Variants in WWC1 observed in about 807,000 individuals in gnomAD.
WWC1 encodes the protein WW and C2 domain containing 1.
A neutral mutation model predicts 138.4 loss-of-function variants in WWC1; 55 were observed. The observed-to-expected ratio is 0.40, with a 90% CI of 0.32 to 0.50. WWC1 has a LOEUF of 0.50. Ranked by LOEUF, WWC1 falls within the 20% of genes least tolerant of loss-of-function variation. The pLI, the probability that WWC1 is intolerant of heterozygous loss-of-function variation, is 0.72. For missense variants in WWC1, 1,226 were observed against 1,420.4 expected, an observed-to-expected ratio of 0.86 and a Z score of 2.20; for synonymous variants, 524 against 564.9, an observed-to-expected ratio of 0.93 and a Z score of 1.03.
chr5:168,335,747 A>G (rs1008134878), intron 1 of WWC1, among the ~76,000 whole-genome samples: 2 of 152,238 alleles, frequency 1.3e-5, no homozygotes, highest in African/African-American at 4.8e-5. Context: ...GACTATTTCC[A>G]GTCTTCTTAG....
At chr5:168,434,564 G>A (rs7723533) in intron 15 of WWC1, among the ~76,000 whole-genome samples, 47,919 of 152,000 alleles carry the variant, frequency 0.32, 8,501 homozygotes, top group East Asian at 0.59. Context: ...GGCCCAGAAA[G>A]GCTAAGTAAG....
At chr5:168,410,108 A>G in intron 8 of WWC1, 113 bp downstream of exon 8, 1 of 1,011,582 alleles carries the variant, frequency 9.9e-7, no homozygotes, top group South Asian at 1.4e-5. Flanking sequence ...ATCCTCACAA[A>G]GATTATGAAG....
At chr5:168,314,998 C>T (rs980744003) in intron 1 of WWC1, among the ~76,000 whole-genome samples, 2 of 152,154 alleles carry the variant, frequency 1.3e-5, no homozygotes, top group African/African-American at 4.8e-5. Flanking sequence ...AGAAGACACT[C>T]AGTCCGTTGG....
chr5:168,453,674 T>C (rs1225463547), intron 17 of WWC1, among the ~76,000 whole-genome samples: 2 of 151,892 alleles, frequency 1.3e-5, no homozygotes, highest in Non-Finnish European at 2.9e-5. Flanking sequence ...GCCTCCCGAG[T>C]AGCTGGGACT....
chr5:168,430,347 G>T, intron 14 of WWC1, 124 bp downstream of exon 14: 1 of 687,306 alleles, frequency 1.5e-6, no homozygotes, highest in Non-Finnish European at 2.5e-6. Flanking sequence ...GGTTTGTACT[G>T]CATATGACTG....
intron 1 of WWC1, among the ~76,000 whole-genome samples, chr5:168,323,524 G>A (rs1228886087): frequency 1.3e-5 from 2 of 152,100 alleles, no homozygotes; most frequent in African/African-American, 4.8e-5. Context: ...TCCAGCCTGG[G>A]CAACAGAACG....
In WWC1 at chr5:168,414,501, G is replaced by T. The variant is rs1385276860; in HGVS notation, c.1095G>T (p.Gly365=). 3 of 1,559,090 alleles carry T rather than the reference G, an allele frequency of 1.9e-6. No homozygotes were observed. Among genetic ancestry groups the T allele is most frequent in the Non-Finnish European group, 2.6e-6 (3 of 1,150,922 alleles). Residue 365 remains glycine (G), a synonymous_variant, in exon 9 of 23, where the codon GGG becomes GGT. Coordinates refer to ENST00000265293, the MANE Select transcript of WWC1 (RefSeq NM_015238.3). ...TCAGCCCCCGCAAGTGGACCCAGGG[G>T]GAGGTGGAGCAGCTGGAGATGGCCC... The part of the protein sequence containing the change: ...RFISPRKWTQ[G]EVEQLEMARK...
At chr5:168,398,623 T>A (rs1023983523) in intron 4 of WWC1, among the ~76,000 whole-genome samples, 2 of 152,006 alleles carry the variant, frequency 1.3e-5, no homozygotes, top group Non-Finnish European at 2.9e-5. Flanking sequence ...GGCACAGCAG[T>A]GAAATTACTT....
At chr5:168,403,087 C>CTTTTCTTTT (rs1779505678) in intron 5 of WWC1, among the ~76,000 whole-genome samples, 2 of 92,168 alleles carry the variant, frequency 2.2e-5, no homozygotes, top group Non-Finnish European at 2.2e-5. Flanking sequence ...TCTTTTCTTT[C>CTTTTCTTTT]TTTTCTTTCT....
At position 168,423,854 on chromosome 5, in the gene WWC1, C is replaced by A. The variant is rs1479098961; in HGVS notation, c.1596C>A (p.Thr532=). The change falls in exon 11 of 23, where the codon ACC becomes ACA. Residue 532 remains threonine, a synonymous_variant. Coordinates refer to ENST00000265293, the MANE Select transcript of WWC1 (RefSeq NM_015238.3). ...RSLSGTPKSM[T]SLSPRSSLSS... Reference sequence around the variant, plus strand: ...TGTCTGGCACCCCAAAGTCCATGACCTCCCTATCCCCACGTTCCTCTCTCT... The same window carrying A: ...TGTCTGGCACCCCAAAGTCCATGACATCCCTATCCCCACGTTCCTCTCTCT... 2 of 1,614,162 alleles carry A rather than the reference C, an allele frequency of 1.2e-6. No homozygotes were observed. The highest frequency in any genetic ancestry group is 4.5e-5 in the East Asian group (2 of 44,872).
rs1407583203 is a variant in WWC1, at chr5:168,423,564, G to A, written c.1306G>A (p.Gly436Ser). The A allele has an allele frequency of 1.9e-6, 3 of 1,613,714 alleles. No homozygotes were observed. Among genetic ancestry groups the A allele is most frequent in the Non-Finnish European group, 1.7e-6 (2 of 1,179,824 alleles). Residue 436 changes from glycine to serine, a missense_variant, in exon 11 of 23, where the codon GGC becomes AGC. Around this residue, in one of 3 missense-constraint regions of WWC1, gnomAD observed 1,016 missense variants for 1,153.9 expected, o/e 0.88. Coordinates refer to ENST00000265293, the MANE Select transcript of WWC1 (RefSeq NM_015238.3). ...LSSSMQSLSS[G>S]SSPGSLTSSR... ...AAGCAGCATGCAGTCCCTGTCCTCA[G>A]GCAGCAGCCCCGGATCCCTCACGTC...
chr5:168,438,691 A>G (rs1488292791), intron 15 of WWC1, among the ~76,000 whole-genome samples: 1 of 151,964 alleles, frequency 6.6e-6, no homozygotes, highest in African/African-American at 2.4e-5. Flanking sequence ...TGAGCTGACC[A>G]CCTTCCCAAA....
intron 1 of WWC1, among the ~76,000 whole-genome samples, chr5:168,340,757 C>T (rs543754569): frequency 4.3e-4 from 66 of 152,282 alleles, no homozygotes; most frequent in African/African-American, 1.5e-3. Context: ...TTGGGTTATT[C>T]TCACTTTTTG....
chr5:168,404,199 TCCCCAG>T (rs1472888526), intron 5 of WWC1, among the ~76,000 whole-genome samples: 1 of 152,030 alleles, frequency 6.6e-6, no homozygotes. Context: ...CTCCCCAGAG[TCCCCAG>T]CCCTCAGATA....
intron 2 of WWC1, among the ~76,000 whole-genome samples, chr5:168,375,017 G>A (rs562933849): frequency 6.6e-6 from 1 of 152,308 alleles, no homozygotes; most frequent in South Asian, 2.1e-4. Context: ...ACTTAGGAAG[G>A]AAGAGCAGGA....
intron 15 of WWC1, among the ~76,000 whole-genome samples, chr5:168,439,057 A>G (rs1013776534): frequency 6.6e-6 from 1 of 152,120 alleles, no homozygotes; most frequent in Non-Finnish European, 1.5e-5. Context: ...ACATATGATC[A>G]TGGTCACTCC....
At chr5:168,298,599 G>A (rs530674686) in intron 1 of WWC1, among the ~76,000 whole-genome samples, 3 of 152,112 alleles carry the variant, frequency 2.0e-5, no homozygotes, top group Non-Finnish European at 4.4e-5. Flanking sequence ...AAAAACACTA[G>A]GATAGATAAT....
chr5:168,434,281 C>A (rs1782173362), intron 15 of WWC1, among the ~76,000 whole-genome samples: 1 of 152,222 alleles, frequency 6.6e-6, no homozygotes, highest in Non-Finnish European at 1.5e-5. Context: ...AATGGGAAAC[C>A]TCCTTTCCCA....
At chr5:168,339,933 TTCTCTCTCTCTCTCCCCCTC>T (rs1773877599) in intron 1 of WWC1, among the ~76,000 whole-genome samples, 2 of 124,700 alleles carry the variant, frequency 1.6e-5, no homozygotes, top group South Asian at 5.5e-4. Flanking sequence ...CTTTCTCTCT[TTCTCTCTCTCTCTCCCCCTC>T]TCCCTCTCTC....
Sources: gnomAD v4.1 joint callset for allele counts (sites outside exome capture counted in the v4.1 genomes callset) on GRCh38, gnomAD v4.1.1 for gene constraint, gnomAD v4.1.1 regional missense constraint, MANE v1.5 for transcripts, NCBI Gene and HGNC (gene_info 2026-07-23, HGNC 2026-07-21) for gene names.